FBN2: variants seen among roughly 807,000 people sequenced by gnomAD.
FBN2 encodes the protein fibrillin 2.
In FBN2, 105 loss-of-function variants were observed where a neutral mutation model predicts 355.6. The ratio of observed to expected loss-of-function variants is 0.30; its 90% CI spans 0.25 to 0.35. The LOEUF is 0.35. Among genes scored for constraint, FBN2 ranks in the 10% least tolerant of loss-of-function variants. FBN2 has a pLI of 1.00. For missense variants in FBN2, 3,280 were observed against 3,758.7 expected, an observed-to-expected ratio of 0.87 and a Z score of 3.33; for synonymous variants, 1,350 against 1,301.2, an observed-to-expected ratio of 1.04 and a Z score of -0.81.
chr5:128,380,254 C>G (rs1752195174), intron 11 of FBN2, among the ~76,000 whole-genome samples: 1 of 152,028 alleles, frequency 6.6e-6, no homozygotes, highest in Non-Finnish European at 1.5e-5. Flanking sequence ...AATAGACTTT[C>G]CAATATGAAA....
chr5:128,390,584 A>G (rs1318225804), intron 11 of FBN2, among the ~76,000 whole-genome samples: 1 of 152,244 alleles, frequency 6.6e-6, no homozygotes, highest in Non-Finnish European at 1.5e-5. Context: ...CATTTTTAAA[A>G]TACTTCTGTG....
chr5:128,325,338 T>C (rs907832740), intron 34 of FBN2, among the ~76,000 whole-genome samples: 9 of 152,228 alleles, frequency 5.9e-5, no homozygotes, highest in Admixed American at 1.3e-4. Flanking sequence ...TCTTGTTGCA[T>C]TGATCCCTTT....
Position 128,309,401 on chromosome 5 carries a change from T to C in FBN2, c.5201-2A>G. 1.2e-6 allele frequency: 2 copies of C among 1,613,468 alleles called. No homozygotes were observed. The highest frequency in any genetic ancestry group is 1.7e-6 in the Non-Finnish European group (2 of 1,179,512). On this transcript the variant is annotated splice_acceptor_variant, in intron 40 of 64. Coordinates refer to ENST00000262464, the MANE Select transcript of FBN2 (RefSeq NM_001999.4). LOFTEE classifies it high-confidence loss of function. ...GGTAGCAAAAGCTTTTTCTCATGTC[T>C]ATATAAAGAAAAACAAAGAAACTAG...
Position 128,302,991 on chromosome 5 carries a change from G to T in FBN2, c.5899C>A (p.His1967Asn). The stretch of plus-strand genomic sequence containing the variant: ...TACTTACCCAGGCAATCATTATTAT[G>T]AGTGAGTTCAAACCCTGGGTAGCAC... ...CLCYPGFELT[H>N]NNDCLDIDEC... is the part of the protein sequence containing the mutation. Residue 1967 changes from histidine (H) to asparagine (N), a missense_variant, in exon 46 of 65, where the codon CAT (histidine) becomes AAT (asparagine). Transcript: ENST00000262464. 1 of 1,577,712 alleles carries T rather than the reference G, an allele frequency of 6.3e-7. No homozygotes were observed. The highest frequency in any genetic ancestry group is 8.7e-7 in the Non-Finnish European group (1 of 1,147,140).
intron 6 of FBN2, among the ~76,000 whole-genome samples, chr5:128,460,202 C>T (rs915625272): frequency 1.3e-5 from 2 of 151,962 alleles, no homozygotes; most frequent in African/African-American, 4.8e-5. Flanking sequence ...TGAGTGAACT[C>T]CCATCAATAA....
At chr5:128,508,292 T>C (rs1176804840) in intron 5 of FBN2, among the ~76,000 whole-genome samples, 1 of 152,044 alleles carries the variant, frequency 6.6e-6, no homozygotes, top group African/African-American at 2.4e-5. Flanking sequence ...TAGGTTTCAA[T>C]CTACCACTTT....
chr5:128,338,169 A>G, intron 26 of FBN2, 47 bp from the exon 27 acceptor site: 1 of 1,576,112 alleles, frequency 6.3e-7, no homozygotes, highest in Non-Finnish European at 8.7e-7. Context: ...TGAGGGAAAA[A>G]TATTCACACA....
intron 5 of FBN2, among the ~76,000 whole-genome samples, chr5:128,469,469 T>A (rs1484808157): frequency 6.8e-6 from 1 of 147,488 alleles, no homozygotes; most frequent in Non-Finnish European, 1.5e-5. Context: ...AGGCGGAGCT[T>A]GCAGTGAGCC....
At chr5:128,431,534 T>G (rs1753628429) in intron 7 of FBN2, among the ~76,000 whole-genome samples, 1 of 152,206 alleles carries the variant, frequency 6.6e-6, no homozygotes, top group Non-Finnish European at 1.5e-5. Context: ...AATTTCTTCT[T>G]CCCTCTTCGC....
chr5:128,377,915 C>T, intron 12 of FBN2, 38 bp from the exon 13 acceptor site: 1 of 1,573,408 alleles, frequency 6.4e-7, no homozygotes, highest in Non-Finnish European at 8.7e-7. Context: ...CATTCTTTTA[C>T]AATACTTATA....
At chr5:128,501,849 G>A (rs1278507755) in intron 5 of FBN2, among the ~76,000 whole-genome samples, 2 of 151,860 alleles carry the variant, frequency 1.3e-5, no homozygotes, top group Non-Finnish European at 2.9e-5. Flanking sequence ...AGTAAAGAGT[G>A]GATAAAAGAT....
intron 33 of FBN2, among the ~76,000 whole-genome samples, chr5:128,330,128 C>T (rs1750653097): frequency 6.6e-6 from 1 of 152,090 alleles, no homozygotes; most frequent in African/African-American, 2.4e-5. Flanking sequence ...TTTTCCCATG[C>T]CATTCATTTA....
In FBN2 at chr5:128,312,812, G is replaced by T; in HGVS notation, c.4718-17C>A. The T allele has an allele frequency of 6.2e-7, 1 of 1,613,010 alleles. No homozygotes were observed. Among genetic ancestry groups the T allele is most frequent in the South Asian group, 1.1e-5 (1 of 91,068 alleles). On this transcript the variant is annotated splice_polypyrimidine_tract_variant and intron_variant, in intron 36 of 64. Transcript: ENST00000262464. ...CACGGTTGTCTGCAGAGCAACAAAG[G>T]AGCTTACAGTTGCCCTTGCTTACAT...
At chr5:128,415,914 T>C (rs1753182614) in intron 7 of FBN2, among the ~76,000 whole-genome samples, 1 of 152,180 alleles carries the variant, frequency 6.6e-6, no homozygotes, top group Non-Finnish European at 1.5e-5. Flanking sequence ...TAAGATGACA[T>C]CTCATTGTAA....
chr5:128,354,116 G>A lies in FBN2; in HGVS notation c.2675-3111C>T, dbSNP rs370398725. Among the ~76,000 whole-genome samples, 41 of 152,242 alleles carry A rather than the reference G, an allele frequency of 2.7e-4. No individual in the cohort carries two copies. The South Asian group carries it at 8.3e-3, about 31-fold the overall frequency. On this transcript the variant is annotated intron_variant, in intron 20 of 64. Transcript: ENST00000262464. Reference sequence around the variant, plus strand: ...TAAGAACTCTCAAAAAATAAAGCAGGGTAATTAGCTTGAGGGGAGAAACAG... The same window carrying A: ...TAAGAACTCTCAAAAAATAAAGCAGAGTAATTAGCTTGAGGGGAGAAACAG...
intron 55 of FBN2, among the ~76,000 whole-genome samples, chr5:128,280,721 AC>A (rs1273392081): frequency 2.0e-5 from 3 of 152,226 alleles, no homozygotes; most frequent in Middle Eastern, 3.4e-3. Context: ...GGTGATGAGT[AC>A]AGTAAAAGCC....
chr5:128,334,456 G>A (rs1233559139), intron 31 of FBN2, among the ~76,000 whole-genome samples: 1 of 152,002 alleles, frequency 6.6e-6, no homozygotes, highest in Non-Finnish European at 1.5e-5. Context: ...AGTGGTCAGG[G>A]CCATGGGAAC....
chr5:128,536,942 T>C (rs1756862904), intron 1 of FBN2, among the ~76,000 whole-genome samples: 1 of 152,042 alleles, frequency 6.6e-6, no homozygotes, highest in Admixed American at 6.5e-5. Flanking sequence ...CTGTGAACCC[T>C]GCACACGTCC....
chr5:128,300,491 C>G (rs1162764540), intron 48 of FBN2, among the ~76,000 whole-genome samples: 1 of 152,218 alleles, frequency 6.6e-6, no homozygotes, highest in Non-Finnish European at 1.5e-5. Context: ...TGTTTTAAAA[C>G]TGGGTGCCAA....
Sources: gnomAD v4.1 joint callset for allele counts (sites outside exome capture counted in the v4.1 genomes callset) on GRCh38, gnomAD v4.1.1 for gene constraint, MANE v1.5 for transcripts, NCBI Gene and HGNC (gene_info 2026-07-23, HGNC 2026-07-21) for gene names.